FGF14: variants seen among roughly 807,000 people sequenced by gnomAD.
FGF14 encodes the protein fibroblast growth factor homologous factor 4.
FGF14 carries 5 observed loss-of-function variants against 25.5 expected under a neutral mutation model. That is an observed-to-expected ratio of 0.20 (90% CI 0.10 to 0.41). The LOEUF is 0.41. Among genes scored for constraint, FGF14 ranks in the 10% least tolerant of loss-of-function variants. The pLI, the probability that FGF14 is intolerant of heterozygous loss-of-function variation, is 1.00. For synonymous variants in FGF14, 138 were observed against 118.3 expected (o/e 1.17, Z -1.08); for missense variants, 222 against 320.1 (o/e 0.69, Z 2.34).
intron 1 of FGF14, among the ~76,000 whole-genome samples, chr13:102,276,512 A>C (rs1027689157): frequency 6.6e-6 from 1 of 151,790 alleles, no homozygotes; most frequent in African/African-American, 2.4e-5. Context: ...AGACCATCAA[A>C]CAGAAATTCT....
chr13:102,327,518 G>A (rs1466946641), intron 1 of FGF14, among the ~76,000 whole-genome samples: 1 of 152,082 alleles, frequency 6.6e-6, no homozygotes, highest in Non-Finnish European at 1.5e-5. Flanking sequence ...CTAACAGAGG[G>A]CGACTGTACT....
chr13:101,861,357 G>T (rs1422273357), intron 3 of FGF14, among the ~76,000 whole-genome samples: 2 of 151,998 alleles, frequency 1.3e-5, no homozygotes, highest in African/African-American at 4.8e-5. Context: ...ACCCTGTCCT[G>T]CTTCTGGGCT....
rs969475459 is a variant in FGF14 at position 101,753,255 on chromosome 13, T to C, written c.409-26445A>G. Among the ~76,000 whole-genome samples, 4 of 150,660 alleles carry C rather than the reference T, an allele frequency of 2.7e-5. No homozygotes were observed. In the Admixed American group the frequency reaches 2.7e-4, roughly 10 times the overall value. On this transcript the variant is annotated intron_variant, in intron 3 of 4. Transcript: ENST00000376143. ...ATTCAGTAATACCACATTCCATATA[T>C]TATATATGATCAAATACACACACAC...
In FGF14 at chr13:101,762,383, A is replaced by T. The variant is rs556120413; in HGVS notation, c.409-35573T>A. ...ACCTTCGGACCGAGTTTAAGATTCT[A>T]AACAAGAAACTCACACATTTATTAT... On this transcript the variant is annotated intron_variant, in intron 3 of 4. Coordinates refer to ENST00000376143, the MANE Select transcript of FGF14 (RefSeq NM_004115.4). 5.9e-5 allele frequency among the ~76,000 whole-genome samples: 9 copies of T among 152,340 alleles called. No individual in the cohort carries two copies. The East Asian group carries it at 1.5e-3, about 26-fold the overall frequency.
intron 1 of FGF14, among the ~76,000 whole-genome samples, chr13:102,297,495 G>T (rs2141298318): frequency 6.6e-6 from 1 of 152,204 alleles, no homozygotes; most frequent in East Asian, 1.9e-4. Context: ...TACATAAGAG[G>T]CTATGTAAGA....
chr13:101,958,318 G>T lies in FGF14; in HGVS notation c.209-83022C>A, dbSNP rs77193294. Among the ~76,000 whole-genome samples the T allele has an allele frequency of 1.2e-3, 176 of 152,344 alleles. 4 individuals carry two copies. The East Asian group carries it at 0.031, about 26-fold the overall frequency. ...ATTGGCAGCTTCCAGTGTTGGCAGGGAATCTGAAGATGTTAAGCATGTAGG... is the reference window on the plus strand; with the variant it reads ...ATTGGCAGCTTCCAGTGTTGGCAGGTAATCTGAAGATGTTAAGCATGTAGG... On this transcript the variant is annotated intron_variant, in intron 1 of 4. Transcript: ENST00000376131.
chr13:102,316,947 T>A (rs1470553467), intron 1 of FGF14, among the ~76,000 whole-genome samples: 1 of 152,140 alleles, frequency 6.6e-6, no homozygotes, highest in Non-Finnish European at 1.5e-5. Context: ...TGCAGTAAAT[T>A]CACCTCATGA....
intron 1 of FGF14, among the ~76,000 whole-genome samples, chr13:102,042,692 A>C (rs1261193094): frequency 1.3e-5 from 2 of 152,204 alleles, no homozygotes; most frequent in Non-Finnish European, 2.9e-5. Flanking sequence ...GTTAAATGGA[A>C]CATAATCTCT....
intron 1 of FGF14, among the ~76,000 whole-genome samples, chr13:101,890,202 A>G (rs1418734127): frequency 4.6e-5 from 7 of 152,218 alleles, no homozygotes; most frequent in Non-Finnish European, 8.8e-5. Context: ...AGATAGGAAC[A>G]ACTGCTTTTC....
intron 1 of FGF14, among the ~76,000 whole-genome samples, chr13:102,210,306 C>T (rs1047687907): frequency 4.0e-5 from 6 of 151,610 alleles, no homozygotes; most frequent in East Asian, 1.9e-4. Context: ...GAAAAATTTC[C>T]ATATGTTAAA....
At chr13:101,920,498 A>C (rs532386752), upstream of FGF14, among the ~76,000 whole-genome samples, 1 of 152,322 alleles carries the variant, frequency 6.6e-6, no homozygotes, top group South Asian at 2.1e-4. Context: ...GTGAGATTAA[A>C]TTTAGTAAAT....
intron 1 of FGF14, among the ~76,000 whole-genome samples, chr13:102,243,393 T>C (rs1038547269): frequency 2.6e-5 from 4 of 152,076 alleles, no homozygotes; most frequent in African/African-American, 4.8e-5. Flanking sequence ...TCAAAAATGT[T>C]TTAAAGTCCA....
rs762879636 is a variant in FGF14 at position 101,833,058 on chromosome 13, G to A, written c.408+35667C>T. Among the ~76,000 whole-genome samples, 77 of 152,152 alleles carry A rather than the reference G, an allele frequency of 5.1e-4. 3 individuals are homozygous for A. The highest frequency in any genetic ancestry group is 7.2e-5 in the African/African-American group (3 of 41,540). On this transcript the variant is annotated intron_variant, in intron 3 of 4. Transcript: ENST00000376143. ...AGTAGTTCACCGCCCTGGAATCAGA[G>A]GTCTAGCATGGGTAGCCCAGGGCTG...
chr13:102,360,871 GCA>G lies in FGF14; in HGVS notation c.208+40598_208+40599del, dbSNP rs147210243. On this transcript the variant is annotated intron_variant, in intron 1 of 4. Transcript: ENST00000376131. ...CTGGACAGTACACATACTTGTGCGT[GCA>G]CACACACACACATACACACACACAC... Among the ~76,000 whole-genome samples, 217 of 151,272 alleles carry G rather than the reference GCA, an allele frequency of 1.4e-3. 3 individuals are homozygous for G. The highest frequency in any genetic ancestry group is 4.8e-3 in the African/African-American group (200 of 41,306).
intron 1 of FGF14, among the ~76,000 whole-genome samples, chr13:102,168,144 TGTTTGCATA>T (rs1945962429): frequency 6.6e-6 from 1 of 152,196 alleles, no homozygotes; most frequent in Admixed American, 6.6e-5. Context: ...TGAAAATTTA[TGTTTGCATA>T]GTTTGCATAG....
At chr13:102,203,787 G>A (rs895219957) in intron 1 of FGF14, among the ~76,000 whole-genome samples, 3 of 152,098 alleles carry the variant, frequency 2.0e-5, no homozygotes, top group African/African-American at 7.2e-5. Context: ...CACAGGTTTT[G>A]ACACCAATTT....
intron 1 of FGF14, among the ~76,000 whole-genome samples, chr13:102,291,662 A>AGACTTGATT (rs1266244326): frequency 6.6e-6 from 1 of 152,174 alleles, no homozygotes; most frequent in African/African-American, 2.4e-5. Context: ...GAAGAAACCA[A>AGACTTGATT]GGAAAGAATG....
intron 1 of FGF14, among the ~76,000 whole-genome samples, chr13:102,234,931 T>C (rs2051261880): frequency 6.6e-6 from 1 of 152,144 alleles, no homozygotes; most frequent in Non-Finnish European, 1.5e-5. Context: ...AGAAGTAAAG[T>C]CTTGTTATTA....
intron 1 of FGF14, among the ~76,000 whole-genome samples, chr13:102,023,041 C>A (rs891052248): frequency 9.1e-5 from 8 of 88,074 alleles, no homozygotes; most frequent in African/African-American, 3.6e-4. Flanking sequence ...AAAATATTTT[C>A]GGACACACAC....
Sources: gnomAD v4.1 joint callset for allele counts (sites outside exome capture counted in the v4.1 genomes callset) on GRCh38, gnomAD v4.1.1 for gene constraint, MANE v1.5 for transcripts, NCBI Gene and HGNC (gene_info 2026-07-23, HGNC 2026-07-21) for gene names.